Variants in SLC35F4 observed in about 807,000 individuals in gnomAD.
SLC35F4 encodes the protein solute carrier family 35 member F4, also known as chromosome 14 open reading frame 36.
A neutral mutation model predicts 44.2 loss-of-function variants in SLC35F4; 24 were observed. That is an observed-to-expected ratio of 0.54 (90% confidence interval 0.39 to 0.76). SLC35F4 has a LOEUF of 0.76. SLC35F4 is among the 30% of genes least tolerant of loss of function. The probability of loss-of-function intolerance (pLI) is 0.00; values close to 1 mark genes in which losing one functional copy is unlikely to be tolerated. For synonymous variants in SLC35F4, 238 were observed against 223.6 expected, an observed-to-expected ratio of 1.06 and a Z score of -0.57; for missense variants, 562 against 586.1, an observed-to-expected ratio of 0.96 and a Z score of 0.42.
intron 1 of SLC35F4, among the ~76,000 whole-genome samples, chr14:57,927,077 C>T (rs1315221255): frequency 6.6e-6 from 1 of 152,222 alleles, no homozygotes; most frequent in Admixed American, 6.5e-5. Context: ...ATGTGACCTG[C>T]CTCAGAGATG....
chr14:57,956,316 A>G (rs1161063566), intron 1 of SLC35F4, among the ~76,000 whole-genome samples: 1 of 152,220 alleles, frequency 6.6e-6, no homozygotes, highest in Non-Finnish European at 1.5e-5. Flanking sequence ...ACTTAAACGT[A>G]AGACCTAAAA....
intron 1 of SLC35F4, among the ~76,000 whole-genome samples, chr14:57,643,461 G>A (rs1187492424): frequency 6.6e-6 from 1 of 151,976 alleles, no homozygotes; most frequent in East Asian, 1.9e-4. Context: ...TCTGTCAGTA[G>A]CTTCAGTTTT....
intron 1 of SLC35F4, among the ~76,000 whole-genome samples, chr14:57,656,376 T>TATACAC (rs1314183912): frequency 1.9e-4 from 14 of 74,052 alleles, no homozygotes; most frequent in African/African-American, 1.0e-3. Context: ...TATATATATA[T>TATACAC]ACACACACAC....
At chr14:57,940,008 A>T (rs1889887561) in intron 1 of SLC35F4, among the ~76,000 whole-genome samples, 1 of 152,190 alleles carries the variant, frequency 6.6e-6, no homozygotes, top group African/African-American at 2.4e-5. Flanking sequence ...TTTGGAGAAC[A>T]GTTTCAGTAG....
chr14:57,698,346 T>C (rs12434714), intron 1 of SLC35F4, among the ~76,000 whole-genome samples: 37,872 of 152,044 alleles, frequency 0.25, 4,715 homozygotes, highest in South Asian at 0.31. Flanking sequence ...GATGAATTCA[T>C]ACAAGTGCAA....
At chr14:57,578,004 T>C (rs2068920437) in intron 4 of SLC35F4, among the ~76,000 whole-genome samples, 1 of 152,100 alleles carries the variant, frequency 6.6e-6, no homozygotes, top group Non-Finnish European at 1.5e-5. Context: ...AGAAACAAAA[T>C]ATTAGCAAGT....
intron 1 of SLC35F4, among the ~76,000 whole-genome samples, chr14:57,924,939 A>G (rs1386564971): frequency 6.6e-6 from 1 of 151,894 alleles, no homozygotes; most frequent in Non-Finnish European, 1.5e-5. Flanking sequence ...GTTTTTTTTA[A>G]GAGACAAGGT....
At chr14:57,964,409 A>T (rs115855354) in intron 1 of SLC35F4, among the ~76,000 whole-genome samples, 70,859 of 151,044 alleles carry the variant, frequency 0.47, 18,238 homozygotes, top group East Asian at 0.78. Flanking sequence ...TCTAAATTTA[A>T]AAAAAAAATC....
intron 1 of SLC35F4, among the ~76,000 whole-genome samples, chr14:57,654,854 T>A (rs1162331456): frequency 6.6e-6 from 1 of 152,304 alleles, no homozygotes; most frequent in East Asian, 1.9e-4. Flanking sequence ...GGGACATAAT[T>A]CAAACCATTA....
intron 1 of SLC35F4, among the ~76,000 whole-genome samples, chr14:57,946,383 T>C (rs1218323154): frequency 6.6e-6 from 1 of 152,040 alleles, no homozygotes; most frequent in East Asian, 1.9e-4. Flanking sequence ...TAATTGGGTG[T>C]CCTTTCTCCA....
intron 1 of SLC35F4, among the ~76,000 whole-genome samples, chr14:57,916,493 G>C (rs1889332076): frequency 6.6e-6 from 1 of 152,172 alleles, no homozygotes; most frequent in Non-Finnish European, 1.5e-5. Context: ...TGTTCTCTGA[G>C]CTTCCTGGAT....
intron 1 of SLC35F4, among the ~76,000 whole-genome samples, chr14:57,654,420 T>C (rs2073892098): frequency 6.6e-6 from 1 of 152,184 alleles, no homozygotes; most frequent in Non-Finnish European, 1.5e-5. Flanking sequence ...AAAGACATTA[T>C]TTCACTCTTT....
At chr14:57,754,931 G>A (rs1261116546) in intron 1 of SLC35F4, among the ~76,000 whole-genome samples, 1 of 152,190 alleles carries the variant, frequency 6.6e-6, no homozygotes, top group Non-Finnish European at 1.5e-5. Context: ...GAGCCAGATG[G>A]AAGAGGCTTC....
chr14:57,782,015 A>C (rs1011008427), intron 1 of SLC35F4, among the ~76,000 whole-genome samples: 1 of 152,196 alleles, frequency 6.6e-6, no homozygotes, highest in African/African-American at 2.4e-5. Flanking sequence ...CCCCCATGAC[A>C]CAAGTTTACC....
intron 1 of SLC35F4, among the ~76,000 whole-genome samples, chr14:57,980,650 C>CTGGG (rs111935380): frequency 6.6e-6 from 1 of 151,566 alleles, no homozygotes; most frequent in African/African-American, 2.4e-5. Context: ...AAGAAAATGG[C>CTGGG]TGTGTTTGTG....
intron 1 of SLC35F4, among the ~76,000 whole-genome samples, chr14:57,779,011 C>G (rs559576971): frequency 2.0e-5 from 3 of 151,872 alleles, no homozygotes; most frequent in Admixed American, 1.3e-4. Context: ...ATGTCTACAT[C>G]AAAAAGTTAA....
chr14:57,933,845 T>C (rs748518226), intron 1 of SLC35F4, among the ~76,000 whole-genome samples: 3 of 152,142 alleles, frequency 2.0e-5, no homozygotes, highest in Non-Finnish European at 4.4e-5. Context: ...GCACCAATTA[T>C]CTTTCATTGA....
intron 1 of SLC35F4, among the ~76,000 whole-genome samples, chr14:57,863,505 A>G (rs570545951): frequency 6.6e-6 from 1 of 152,212 alleles, no homozygotes; most frequent in Admixed American, 6.5e-5. Flanking sequence ...TTGCTTTCAC[A>G]TATTATATAT....
intron 1 of SLC35F4, among the ~76,000 whole-genome samples, chr14:57,888,411 C>A (rs1391909433): frequency 1.3e-5 from 2 of 152,156 alleles, no homozygotes; most frequent in Non-Finnish European, 2.9e-5. Flanking sequence ...ACTCTGGGAC[C>A]AGAAAGACAG....
Sources: gnomAD v4.1 joint callset for allele counts (sites outside exome capture counted in the v4.1 genomes callset) on GRCh38, gnomAD v4.1.1 for gene constraint, MANE v1.5 for transcripts, NCBI Gene and HGNC (gene_info 2026-07-23, HGNC 2026-07-21) for gene names.